Variants in COBL observed in about 807,000 individuals in gnomAD.
COBL encodes the protein protein cordon-bleu.
COBL carries 51 observed loss-of-function variants against 98.8 expected under a neutral mutation model. The ratio of observed to expected loss-of-function variants is 0.52; its 90% confidence interval spans 0.41 to 0.65. The LOEUF (loss-of-function observed/expected upper bound fraction) is 0.65. COBL is among the 30% of genes least tolerant of loss of function. The probability of loss-of-function intolerance (pLI) is 0.00; values close to 1 mark genes in which losing one functional copy is unlikely to be tolerated. For synonymous variants in COBL, 634 were observed against 651.7 expected, an observed-to-expected ratio of 0.97 and a Z score of 0.41; for missense variants, 1,617 against 1,617.5, an observed-to-expected ratio of 1.00 and a Z score of 0.01.
At chr7:51,027,632 C>T (rs556491744) in intron 10 of COBL, 80 bp downstream of exon 10, 47 of 1,208,998 alleles carry the variant, frequency 3.9e-5, no homozygotes, top group South Asian at 3.3e-4. Flanking sequence ...CTCTCTCCTC[C>T]GCTTTATTCT....
chr7:51,112,784 C>A (rs1013514832), intron 6 of COBL, among the ~76,000 whole-genome samples: 2 of 152,150 alleles, frequency 1.3e-5, no homozygotes, highest in African/African-American at 4.8e-5. Context: ...GGCAGGAAGG[C>A]ACAATCAGGT....
intron 1 of COBL, among the ~76,000 whole-genome samples, chr7:51,302,325 T>C (rs1186398611): frequency 6.6e-6 from 1 of 152,186 alleles, no homozygotes; most frequent in African/African-American, 2.4e-5. Context: ...CTCACACCTG[T>C]AATCCTAGCA....
chr7:51,021,866 A>C (rs1786972360), intron 12 of COBL, among the ~76,000 whole-genome samples: 1 of 152,146 alleles, frequency 6.6e-6, no homozygotes, highest in Non-Finnish European at 1.5e-5. Flanking sequence ...TCTCAACACA[A>C]ATGAGTAGAC....
chr7:51,083,378 C>T, intron 7 of COBL: 1 of 584,276 alleles, frequency 1.7e-6, no homozygotes, highest in Non-Finnish European at 2.9e-6. Context: ...ATATCCAGCA[C>T]CTAATCCATT....
intron 1 of COBL, among the ~76,000 whole-genome samples, chr7:51,295,239 T>A (rs1801312801): frequency 6.7e-6 from 1 of 149,964 alleles, no homozygotes; most frequent in South Asian, 2.1e-4. Context: ...TGAGCTGATA[T>A]CGCACCACTG....
At chr7:51,155,938 AAC>A (rs1786086528) in intron 5 of COBL, among the ~76,000 whole-genome samples, 1 of 152,214 alleles carries the variant, frequency 6.6e-6, no homozygotes, top group Non-Finnish European at 1.5e-5. Flanking sequence ...AACCAAGCAA[AAC>A]ACAGAGAGAT....
intron 5 of COBL, among the ~76,000 whole-genome samples, chr7:51,161,111 C>T (rs938519508): frequency 1.3e-5 from 2 of 152,168 alleles, no homozygotes; most frequent in African/African-American, 4.8e-5. Context: ...AACACATTTT[C>T]CTGTTCTCAA....
intron 1 of COBL, among the ~76,000 whole-genome samples, chr7:51,305,196 C>T (rs1006874212): frequency 3.3e-5 from 5 of 152,114 alleles, no homozygotes; most frequent in African/African-American, 9.7e-5. Flanking sequence ...ATAAAAACAC[C>T]GCCCTAAGTA....
intron 1 of COBL, among the ~76,000 whole-genome samples, chr7:51,281,173 T>C (rs949764807): frequency 6.6e-6 from 1 of 152,068 alleles, no homozygotes. Flanking sequence ...ATAACTAAAA[T>C]GAAAAACTCA....
intron 5 of COBL, among the ~76,000 whole-genome samples, chr7:51,160,499 A>G (rs1786687945): frequency 6.6e-6 from 1 of 152,218 alleles, no homozygotes; most frequent in Non-Finnish European, 1.5e-5. Flanking sequence ...AGTGACTTTC[A>G]CATTACTTAT....
At chr7:51,221,281 T>C (rs1486523126) in intron 1 of COBL, among the ~76,000 whole-genome samples, 2 of 152,074 alleles carry the variant, frequency 1.3e-5, no homozygotes, top group Non-Finnish European at 1.5e-5. Flanking sequence ...CCAAAGGCAT[T>C]TGGCATGAGG....
intron 9 of COBL, 97 bp downstream of exon 9, chr7:51,030,715 C>T: frequency 1.3e-6 from 1 of 797,404 alleles, no homozygotes; most frequent in South Asian, 1.8e-5. Flanking sequence ...AGGCTGTTTC[C>T]TCACATAGAT....
chr7:51,029,000 T>C lies in COBL; in HGVS notation c.2096A>G (p.Tyr699Cys). 1 of 1,614,176 alleles carries C rather than the reference T, an allele frequency of 6.2e-7. No individual in the cohort carries two copies. Among genetic ancestry groups the C allele is most frequent in the Non-Finnish European group, 8.5e-7 (1 of 1,180,034 alleles). ...CGTTGTGAGGCCGTGCTTAAGTCTG[T>C]AGCTTTTCCCTGGGTTTTGGCCTCG... ...HQRGQNPGKS[Y>C]RLKHGLTTYK... is the part of the protein sequence containing the mutation. Residue 699 changes from tyrosine (Y) to cysteine (C), a missense_variant, in exon 10 of 13, where the codon TAC (tyrosine) becomes TGC (cysteine). Coordinates refer to ENST00000265136, the MANE Select transcript of COBL (RefSeq NM_015198.5).
chr7:51,085,848 T>A (rs1015416074), intron 6 of COBL, among the ~76,000 whole-genome samples: 16 of 152,280 alleles, frequency 1.1e-4, no homozygotes, highest in East Asian at 1.9e-4. Context: ...GGTGGACACA[T>A]CTTGATCCAG....
At chr7:51,102,853 T>C (rs560364401) in intron 6 of COBL, among the ~76,000 whole-genome samples, 4 of 152,296 alleles carry the variant, frequency 2.6e-5, no homozygotes, top group Admixed American at 1.3e-4. Flanking sequence ...TCTTCTAATA[T>C]AGTCAAATCA....
intron 7 of COBL, among the ~76,000 whole-genome samples, chr7:51,073,974 T>G (rs1230322890): frequency 1.3e-5 from 2 of 152,074 alleles, no homozygotes; most frequent in Non-Finnish European, 2.9e-5. Context: ...TTTTCTCTAG[T>G]GGGAGACTGA....
chr7:51,135,936 G>C (rs565060744), intron 6 of COBL, among the ~76,000 whole-genome samples: 1 of 152,302 alleles, frequency 6.6e-6, no homozygotes, highest in South Asian at 2.1e-4. Context: ...GCTGCTGGGT[G>C]TATCCTGACT....
At chr7:51,060,643 A>G (rs1189425099) in intron 7 of COBL, among the ~76,000 whole-genome samples, 1 of 152,190 alleles carries the variant, frequency 6.6e-6, no homozygotes, top group Non-Finnish European at 1.5e-5. Context: ...AAGAGGTTAA[A>G]AAGGGAGTGG....
At chr7:51,135,724 T>A (rs150668763) in intron 6 of COBL, among the ~76,000 whole-genome samples, 28 of 151,674 alleles carry the variant, frequency 1.8e-4, no homozygotes, top group African/African-American at 6.5e-4. Flanking sequence ...GCGGCAAGAG[T>A]TAGGAAATAA....
Sources: gnomAD v4.1 joint callset for allele counts (sites outside exome capture counted in the v4.1 genomes callset) on GRCh38, gnomAD v4.1.1 for gene constraint, MANE v1.5 for transcripts, NCBI Gene and HGNC (gene_info 2026-07-23, HGNC 2026-07-21) for gene names.